The following SEC22A variants were observed in gnomAD, a reference collection of about 807,000 sequenced individuals.
The protein encoded by SEC22A is SEC22 homolog A, vesicle trafficking protein, also known as vesicle-trafficking protein SEC22a.
Under a neutral mutation model 35.3 loss-of-function variants are expected in SEC22A, and 22 were observed. That is an observed-to-expected ratio of 0.62 (90% CI 0.45 to 0.89). The LOEUF (loss-of-function observed/expected upper bound fraction) is 0.89. Ranked by LOEUF, SEC22A falls within the 40% of genes least tolerant of loss-of-function variation. The pLI, the probability that SEC22A is intolerant of heterozygous loss-of-function variation, is 0.00. For synonymous variants in SEC22A, 119 were observed against 129.5 expected, an observed-to-expected ratio of 0.92 and a Z score of 0.55; for missense variants, 354 against 362.5, an observed-to-expected ratio of 0.98 and a Z score of 0.19.
At chr3:123,252,093 A>G (rs1037371961) in intron 5 of SEC22A, among the ~76,000 whole-genome samples, 5 of 152,232 alleles carry the variant, frequency 3.3e-5, no homozygotes, top group African/African-American at 7.2e-5. Flanking sequence ...AAGAAAATAC[A>G]TACAAAATTG....
At chr3:123,204,157 C>G (rs1936807700) in intron 1 of SEC22A, among the ~76,000 whole-genome samples, 1 of 152,266 alleles carries the variant, frequency 6.6e-6, no homozygotes, top group East Asian at 1.9e-4. Context: ...AAATTCTCCC[C>G]AAATTTTCAC....
At chr3:123,258,897 C>A (rs1215480451) in intron 5 of SEC22A, among the ~76,000 whole-genome samples, 1 of 152,132 alleles carries the variant, frequency 6.6e-6, no homozygotes. Context: ...TGGGTTGTTA[C>A]ATGTCTCCAT....
At chr3:123,223,263 A>G (rs1211758021) in intron 2 of SEC22A, among the ~76,000 whole-genome samples, 10 of 152,222 alleles carry the variant, frequency 6.6e-5, no homozygotes, top group Non-Finnish European at 1.3e-4. Flanking sequence ...TAATACTTAC[A>G]ATACATTTGT....
intron 4 of SEC22A, among the ~76,000 whole-genome samples, chr3:123,236,394 C>G (rs1367723823): frequency 6.6e-6 from 1 of 151,978 alleles, no homozygotes; most frequent in Non-Finnish European, 1.5e-5. Flanking sequence ...TATAATCTTC[C>G]TGATATCTCT....
At chr3:123,260,131 C>CAAAA (rs533386545) in intron 6 of SEC22A, among the ~76,000 whole-genome samples, 5 of 49,784 alleles carry the variant, frequency 1.0e-4, no homozygotes, top group African/African-American at 3.9e-4. Context: ...GACTACATCT[C>CAAAA]AAAAAAAAAA....
intron 4 of SEC22A, among the ~76,000 whole-genome samples, chr3:123,226,600 T>C (rs1202556376): frequency 6.6e-6 from 1 of 152,232 alleles, no homozygotes; most frequent in Non-Finnish European, 1.5e-5. Flanking sequence ...TATTAATCCC[T>C]TGTCAGATGA....
intron 6 of SEC22A, among the ~76,000 whole-genome samples, chr3:123,260,063 C>T (rs1292650776): frequency 7.1e-6 from 1 of 140,160 alleles, no homozygotes; most frequent in Non-Finnish European, 1.5e-5. Flanking sequence ...ACCCAGGAGG[C>T]AGAGGTTGCA....
chr3:123,216,296 C>T (rs1937021835), intron 2 of SEC22A, among the ~76,000 whole-genome samples: 1 of 152,038 alleles, frequency 6.6e-6, no homozygotes, highest in African/African-American at 2.4e-5. Flanking sequence ...TGGAGTGTGG[C>T]TGTGTTAGGG....
At chr3:123,206,280 A>G (rs1936850939) in intron 1 of SEC22A, among the ~76,000 whole-genome samples, 1 of 152,068 alleles carries the variant, frequency 6.6e-6, no homozygotes, top group Non-Finnish European at 1.5e-5. Flanking sequence ...TTTTTTATAG[A>G]GACAGAGCCT....
At chr3:123,213,438 C>G (rs1167082719) in intron 2 of SEC22A, among the ~76,000 whole-genome samples, 1 of 152,144 alleles carries the variant, frequency 6.6e-6, no homozygotes, top group African/African-American at 2.4e-5. Flanking sequence ...CATGCTGTCC[C>G]TCTTTTCTCC....
intron 4 of SEC22A, among the ~76,000 whole-genome samples, chr3:123,226,757 A>T (rs1223717963): frequency 6.6e-6 from 1 of 152,162 alleles, no homozygotes; most frequent in Non-Finnish European, 1.5e-5. Flanking sequence ...GGTTGCCTGT[A>T]CTTGTGGGGT....
At chr3:123,210,971 C>A (rs1002883534) in intron 2 of SEC22A, among the ~76,000 whole-genome samples, 2 of 152,120 alleles carry the variant, frequency 1.3e-5, no homozygotes, top group African/African-American at 4.8e-5. Flanking sequence ...AGTTGTGAGA[C>A]ATGCGTGATA....
At chr3:123,231,350 C>T (rs933659177) in intron 4 of SEC22A, among the ~76,000 whole-genome samples, 3 of 152,186 alleles carry the variant, frequency 2.0e-5, no homozygotes, top group African/African-American at 7.2e-5. Context: ...CATTTAACAA[C>T]AGAATTTATG....
At chr3:123,241,605 C>T (rs959710030) in intron 4 of SEC22A, among the ~76,000 whole-genome samples, 4 of 152,142 alleles carry the variant, frequency 2.6e-5, no homozygotes, top group East Asian at 1.9e-4. Flanking sequence ...TCCTCCCTCC[C>T]TCCAACACTG....
chr3:123,243,633 A>ATAAAAGAC (rs1937544078), intron 4 of SEC22A, among the ~76,000 whole-genome samples: 1 of 152,142 alleles, frequency 6.6e-6, no homozygotes, highest in Non-Finnish European at 1.5e-5. Context: ...TATCTCTTTT[A>ATAAAAGAC]TAAAAGACTA....
chr3:123,226,346 C>T (rs1937217413), intron 4 of SEC22A, among the ~76,000 whole-genome samples: 1 of 152,192 alleles, frequency 6.6e-6, no homozygotes, highest in African/African-American at 2.4e-5. Context: ...TCCACGTCAT[C>T]ACCAGCATTC....
intron 3 of SEC22A, among the ~76,000 whole-genome samples, chr3:123,224,413 A>G (rs1937184635): frequency 6.6e-6 from 1 of 152,254 alleles, no homozygotes; most frequent in Non-Finnish European, 1.5e-5. Flanking sequence ...TTATAAAAAC[A>G]TGCAACTTCT....
Position 123,260,169 on chromosome 3 carries a change from A to AAAC in SEC22A, c.723+580_723+581insAAC, listed in dbSNP as rs1559763879. Among the ~76,000 whole-genome samples the AAAC allele has an allele frequency of 4.8e-4, 55 of 114,838 alleles. 4 individuals carry two copies. Among genetic ancestry groups the AAAC allele is most frequent in the African/African-American group, 1.1e-3 (32 of 28,758 alleles). The allele number at this position is 114,838 out of a possible 152,430, so 75.3% of individuals were successfully genotyped here. On this transcript the variant is annotated intron_variant, in intron 6 of 6. Coordinates refer to ENST00000492595, the MANE Select transcript of SEC22A (RefSeq NM_012430.5). ...AAAAAAAAAAAAAAAAAAAAAAAAA[A>AAAC]CTACTAGATTTTCTGGTGGTTGATT...
At position 123,225,209 on chromosome 3, in the gene SEC22A, T is replaced by A; in HGVS notation, c.453T>A (p.Tyr151Ter). ...MQTEIKLRPP[Y>*]QISMCELGSA... ...CGGAAATCAAGCTGAGGCCTCCTTA[T>A]CAAATTTCCATGTGCGAACTGGGGT... Residue 151 changes from tyrosine to a stop codon, truncating the protein, a stop_gained, in exon 4 of 7, where the codon TAT becomes TAA. Coordinates refer to ENST00000492595, the MANE Select transcript of SEC22A (RefSeq NM_012430.5). LOFTEE classifies it high-confidence loss of function. 6.2e-7 allele frequency: 1 copy of A among 1,613,724 alleles called. No individual in the cohort carries two copies. Among genetic ancestry groups the A allele is most frequent in the Non-Finnish European group, 8.5e-7 (1 of 1,179,650 alleles).
Sources: allele counts gnomAD v4.1 joint callset (sites outside exome capture counted in the v4.1 genomes callset), GRCh38; gene constraint gnomAD v4.1.1; transcripts MANE v1.5; gene names NCBI Gene and HGNC (gene_info 2026-07-23, HGNC 2026-07-21).